HHAT: variants seen among roughly 807,000 people sequenced by gnomAD.
HHAT encodes hedgehog acyltransferase, also known as protein-cysteine N-palmitoyltransferase HHAT.
HHAT carries 47 observed loss-of-function variants against 70.8 expected under a neutral mutation model. The observed-to-expected ratio is 0.66, with a 90% CI of 0.53 to 0.85. HHAT has a LOEUF of 0.85. HHAT is among the 40% of genes least tolerant of loss of function. The pLI, the probability that HHAT is intolerant of heterozygous loss-of-function variation, is 0.00. For synonymous variants in HHAT, 228 were observed against 247.6 expected (o/e 0.92, Z 0.74); for missense variants, 609 against 604.8 (o/e 1.01, Z -0.07).
intron 5 of HHAT, among the ~76,000 whole-genome samples, chr1:210,402,628 A>G (rs1482118450): frequency 6.6e-6 from 1 of 152,204 alleles, no homozygotes; most frequent in African/African-American, 2.4e-5. Flanking sequence ...AAACAGTAGC[A>G]TGTAAGTGAC....
intron 7 of HHAT, among the ~76,000 whole-genome samples, chr1:210,424,766 T>C (rs2093012198): frequency 6.6e-6 from 1 of 152,186 alleles, no homozygotes; most frequent in African/African-American, 2.4e-5. Flanking sequence ...GGCATTTAGG[T>C]TGATTCCATG....
chr1:210,603,014 C>G (rs34308921), intron 10 of HHAT, among the ~76,000 whole-genome samples: 1 of 152,108 alleles, frequency 6.6e-6, no homozygotes, highest in Admixed American at 6.6e-5. Flanking sequence ...ATGACTGAGT[C>G]GGCTATCTGA....
rs79031342 is a variant in HHAT, at chr1:210,554,294, G to A, written c.1044-33604G>A. Among the ~76,000 whole-genome samples, 127 of 152,306 alleles carry A rather than the reference G, an allele frequency of 8.3e-4. 2 individuals carry two copies. In the East Asian group the frequency reaches 0.022, roughly 26 times the overall value. On this transcript the variant is annotated intron_variant, in intron 9 of 11. Transcript: ENST00000261458. ...ATATTTGTTGAGCTAATGACTTTGA[G>A]GAAAACTCTGACCCTCTCCTAATTC...
In HHAT at chr1:210,540,463, ACACACACG is replaced by A. The variant is rs1488082901; in HGVS notation, c.1043+27283_1043+27290del. ...CCCTCTTACACACACACACACACAC[ACACACACG>A]CACACACATGCACACACACGCACAC... On this transcript the variant is annotated intron_variant, in intron 9 of 11. Coordinates refer to ENST00000261458, the MANE Select transcript of HHAT (RefSeq NM_018194.6). 1.1e-4 allele frequency among the ~76,000 whole-genome samples: 15 copies of A among 132,274 alleles called. No individual in the cohort carries two copies. In the East Asian group the frequency reaches 2.0e-3, roughly 17 times the overall value. 86.8% of individuals were successfully genotyped at this position (132,274 alleles called of 152,430 possible).
chr1:210,548,651 T>G (rs1345019119), intron 9 of HHAT, among the ~76,000 whole-genome samples: 1 of 152,170 alleles, frequency 6.6e-6, no homozygotes, highest in Non-Finnish European at 1.5e-5. Flanking sequence ...ATTATTTGAT[T>G]CATAATTTGA....
rs1046053472 is a variant in HHAT at position 210,436,283 on chromosome 1, T to C, written c.856+17958T>C. Among the ~76,000 whole-genome samples the C allele has an allele frequency of 4.0e-5, 6 of 151,780 alleles. No individual in the cohort carries two copies. The East Asian group carries it at 1.2e-3, about 29-fold the overall frequency. On this transcript the variant is annotated intron_variant, in intron 7 of 11. Coordinates refer to ENST00000261458, the MANE Select transcript of HHAT (RefSeq NM_018194.6). ...TGAGTTCACTGTGTATGCATGGATT[T>C]ATATCTGGGTTCTCTATCCTATTGC...
intron 9 of HHAT, among the ~76,000 whole-genome samples, chr1:210,521,440 C>T (rs562693106): frequency 2.0e-5 from 3 of 152,270 alleles, no homozygotes; most frequent in South Asian, 2.1e-4. Flanking sequence ...CTGACCCTTT[C>T]GTAAAATTAG....
chr1:210,386,230 C>CTTTTTTT (rs869305965), intron 3 of HHAT, among the ~76,000 whole-genome samples: 12 of 69,918 alleles, frequency 1.7e-4, no homozygotes, highest in East Asian at 4.8e-4. Flanking sequence ...TTCTTTTTTT[C>CTTTTTTT]TTTTTTTTTT....
Position 210,492,649 on chromosome 1 carries a change from G to A in HHAT, c.1008-20504G>A, listed in dbSNP as rs1227335161. On this transcript the variant is annotated intron_variant, in intron 8 of 11. Coordinates refer to ENST00000261458, the MANE Select transcript of HHAT (RefSeq NM_018194.6). The stretch of plus-strand genomic sequence containing the variant: ...AAGAGCTGTCTTTGGATATATAAAT[G>A]GCTAGAGTGTACACTTACTTATTCT... 2.0e-5 allele frequency among the ~76,000 whole-genome samples: 3 copies of A among 152,256 alleles called. No individual in the cohort carries two copies. The East Asian group carries it at 5.8e-4, about 29-fold the overall frequency.
chr1:210,512,074 G>A (rs1259330929), intron 8 of HHAT, among the ~76,000 whole-genome samples: 1 of 152,230 alleles, frequency 6.6e-6, no homozygotes, highest in East Asian at 1.9e-4. Context: ...CCAGTTTCGT[G>A]GTGTCAGGAA....
intron 6 of HHAT, among the ~76,000 whole-genome samples, chr1:210,411,987 C>G (rs12755037): frequency 6.6e-6 from 1 of 152,184 alleles, no homozygotes; most frequent in Non-Finnish European, 1.5e-5. Flanking sequence ...GTTCTAGAGG[C>G]TGGGAAGTCC....
intron 4 of HHAT, among the ~76,000 whole-genome samples, chr1:210,394,729 T>C (rs2091683926): frequency 6.6e-6 from 1 of 151,802 alleles, no homozygotes; most frequent in Non-Finnish European, 1.5e-5. Context: ...TGGTGCTGAG[T>C]GAGATGAGTT....
intron 9 of HHAT, among the ~76,000 whole-genome samples, chr1:210,532,855 G>A (rs574250984): frequency 3.3e-5 from 5 of 152,298 alleles, no homozygotes; most frequent in South Asian, 2.1e-4. Context: ...TGTAGAATAC[G>A]AAAGGAAGAA....
intron 10 of HHAT, among the ~76,000 whole-genome samples, chr1:210,622,863 T>A (rs1669117818): frequency 6.6e-6 from 1 of 152,230 alleles, no homozygotes; most frequent in Non-Finnish European, 1.5e-5. Context: ...TATATACTAG[T>A]TATCACAGAC....
intron 3 of HHAT, among the ~76,000 whole-genome samples, chr1:210,382,107 C>T (rs893765113): frequency 7.9e-5 from 12 of 151,972 alleles, no homozygotes; most frequent in East Asian, 1.9e-4. Flanking sequence ...GGTTTAAGGG[C>T]GATGAGAATT....
chr1:210,412,770 G>A (rs2092602288), intron 6 of HHAT, among the ~76,000 whole-genome samples: 1 of 152,208 alleles, frequency 6.6e-6, no homozygotes, highest in African/African-American at 2.4e-5. Flanking sequence ...CTGGTCTGGG[G>A]TCATGAGACA....
intron 9 of HHAT, 69 bp from the exon 10 acceptor site, chr1:210,587,829 A>G: frequency 4.3e-6 from 5 of 1,156,140 alleles, no homozygotes; most frequent in Non-Finnish European, 6.4e-6. Context: ...CAGGATAGTC[A>G]AGCTGGGGAG....
At chr1:210,597,816 A>T (rs183385706) in intron 10 of HHAT, among the ~76,000 whole-genome samples, 3 of 151,632 alleles carry the variant, frequency 2.0e-5, no homozygotes, top group Admixed American at 2.0e-4. Context: ...TCGGTGCTCT[A>T]CTCCACTGTG....
chr1:210,436,300 T>C (rs1001249210), intron 7 of HHAT, among the ~76,000 whole-genome samples: 2 of 151,764 alleles, frequency 1.3e-5, no homozygotes, highest in East Asian at 1.9e-4. Context: ...GGGTTCTCTA[T>C]CCTATTGCAT....
Sources: gnomAD v4.1 joint callset for allele counts (sites outside exome capture counted in the v4.1 genomes callset) on GRCh38, gnomAD v4.1.1 for gene constraint, MANE v1.5 for transcripts, NCBI Gene and HGNC (gene_info 2026-07-23, HGNC 2026-07-21) for gene names.